The following HOXC4 variants were observed in gnomAD, a reference collection of about 807,000 sequenced individuals.
The protein encoded by HOXC4 is homeobox C4.
HOXC4 carries 15 observed loss-of-function variants against 25.5 expected under a neutral mutation model. The observed-to-expected ratio is 0.59, with a 90% CI of 0.39 to 0.91. The LOEUF (loss-of-function observed/expected upper bound fraction) is 0.91. Ranked by LOEUF, HOXC4 falls within the 40% of genes least tolerant of loss-of-function variation. HOXC4 has a pLI of 0.00. For missense variants in HOXC4, 342 were observed against 352.4 expected, an observed-to-expected ratio of 0.97 and a Z score of 0.24; for synonymous variants, 165 against 148.0, an observed-to-expected ratio of 1.11 and a Z score of -0.83.
chr12:54,033,266 T>C (rs1252131460), intron 1 of HOXC4: 1 of 1,614,116 alleles, frequency 6.2e-7, no homozygotes. Flanking sequence ...TAAGCATCAC[T>C]TTCCCACCGC....
intron 1 of HOXC4, among the ~76,000 whole-genome samples, chr12:54,037,301 T>C (rs1418461439): frequency 1.3e-5 from 2 of 152,228 alleles, no homozygotes; most frequent in Admixed American, 6.5e-5. Context: ...GCCAGCCTCC[T>C]AGAACATATT....
At chr12:54,034,179 T>C in intron 1 of HOXC4, 3 of 1,168,840 alleles carry the variant, frequency 2.6e-6, no homozygotes, top group South Asian at 2.5e-5. Context: ...TCGCCTCCTC[T>C]CCCTCCGGCC....
intron 1 of HOXC4, chr12:54,030,005 T>C (rs1940923015): frequency 6.9e-7 from 1 of 1,455,858 alleles, no homozygotes; most frequent in South Asian, 1.4e-5. Context: ...TCTCCCTCGC[T>C]CCCCACCAAC....
chr12:54,054,125 G>C lies in HOXC4; in HGVS notation c.203G>C (p.Ser68Thr), dbSNP rs770973836. ...PRPSYPERQY[S>T]CTSLQGPGNS... Reference sequence around the variant, plus strand: ...CCTAGCTACCCTGAGCGCCAGTATAGCTGCACCAGTCTCCAGGGGCCCGGC... The same window carrying C: ...CCTAGCTACCCTGAGCGCCAGTATACCTGCACCAGTCTCCAGGGGCCCGGC... The change falls in exon 1 of 2, where the codon AGC becomes ACC. Residue 68 changes from serine to threonine, a missense_variant. Transcript: ENST00000430889. The C allele has an allele frequency of 1.9e-6, 3 of 1,614,112 alleles. No individual in the cohort carries two copies. The highest frequency in any genetic ancestry group is 2.2e-5 in the South Asian group (2 of 91,072).
intron 1 of HOXC4, chr12:54,034,458 A>T (rs1216133806): frequency 6.2e-7 from 1 of 1,614,254 alleles, no homozygotes; most frequent in East Asian, 2.2e-5. Context: ...AAGTGGAAGA[A>T]AGATTCCAAA....
intron 1 of HOXC4, among the ~76,000 whole-genome samples, chr12:54,042,439 T>A (rs1057169735): frequency 1.3e-5 from 2 of 152,140 alleles, no homozygotes; most frequent in Non-Finnish European, 2.9e-5. Flanking sequence ...AGGGGGAGAT[T>A]GGTTCTATCC....
At chr12:54,051,934 G>A (rs1937855656), upstream of HOXC4, among the ~76,000 whole-genome samples, 2 of 152,164 alleles carry the variant, frequency 1.3e-5, no homozygotes, top group African/African-American at 4.8e-5. Flanking sequence ...GGAATCTCTT[G>A]CCTTCAGTCT....
intron 1 of HOXC4, chr12:54,028,926 G>C (rs1231123807): frequency 3.7e-6 from 6 of 1,601,650 alleles, no homozygotes; most frequent in Non-Finnish European, 5.1e-6. Context: ...ACAGTGGTGA[G>C]TTTTACAGCT....
At chr12:54,026,889 A>C (rs1940727421) in intron 1 of HOXC4, among the ~76,000 whole-genome samples, 1 of 152,120 alleles carries the variant, frequency 6.6e-6, no homozygotes, top group Non-Finnish European at 1.5e-5. Flanking sequence ...ACAGAAGGAA[A>C]AGATCATAAA....
intron 1 of HOXC4, among the ~76,000 whole-genome samples, chr12:54,017,892 C>T (rs1342439493): frequency 2.0e-5 from 3 of 152,324 alleles, no homozygotes; most frequent in African/African-American, 7.2e-5. Context: ...CCAGCTTCCC[C>T]TCCCTGTCTG....
At chr12:54,025,371 T>A (rs1017198194) in intron 1 of HOXC4, among the ~76,000 whole-genome samples, 1 of 151,990 alleles carries the variant, frequency 6.6e-6, no homozygotes, top group African/African-American at 2.4e-5. Context: ...TAACATGAAA[T>A]GGGAAAAAGA....
intron 1 of HOXC4, chr12:54,034,007 C>T (rs773034544): frequency 1.6e-6 from 1 of 644,600 alleles, no homozygotes; most frequent in Non-Finnish European, 2.9e-6. Context: ...GCTTATTGTT[C>T]GGTCCGAGCC....
chr12:54,030,849 G>A (rs990083794), intron 1 of HOXC4: 1 of 152,164 alleles, frequency 6.6e-6, no homozygotes, highest in African/African-American at 2.4e-5. Context: ...TAATTCGCTC[G>A]CCCGCCGGCC....
chr12:54,023,561 G>A (rs937505595), intron 1 of HOXC4, among the ~76,000 whole-genome samples: 3 of 152,172 alleles, frequency 2.0e-5, no homozygotes, highest in Non-Finnish European at 4.4e-5. Context: ...GGCCTTGGAG[G>A]TGTTTGGGGG....
chr12:54,029,909 G>A (rs753211992), intron 1 of HOXC4: 1 of 1,607,554 alleles, frequency 6.2e-7, no homozygotes, highest in Non-Finnish European at 8.5e-7. Flanking sequence ...CGACAGCCTG[G>A]GCGGAAAAGA....
intron 1 of HOXC4, among the ~76,000 whole-genome samples, chr12:54,017,716 T>A (rs1940219216): frequency 6.6e-6 from 1 of 152,188 alleles, no homozygotes; most frequent in Non-Finnish European, 1.5e-5. Context: ...AGCTCTCTGC[T>A]GCCCACTGTG....
chr12:54,033,049 C>A (rs1297345834), intron 1 of HOXC4: 11 of 1,252,380 alleles, frequency 8.8e-6, no homozygotes, highest in Middle Eastern at 2.0e-4. Context: ...GAACAAAAAA[C>A]CCCTCAACTT....
At chr12:54,022,549 G>T (rs1352515732) in intron 1 of HOXC4, 1 of 151,932 alleles carries the variant, frequency 6.6e-6, no homozygotes, top group Admixed American at 6.6e-5. Context: ...AGATTAAATG[G>T]TTCTTTCAGA....
At chr12:54,029,374 C>T (rs923232511) in intron 1 of HOXC4, among the ~76,000 whole-genome samples, 1 of 151,598 alleles carries the variant, frequency 6.6e-6, no homozygotes, top group African/African-American at 2.4e-5. Flanking sequence ...TGCTTTTAGA[C>T]TTGCAGCTTT....
Sources: gnomAD v4.1 joint callset for allele counts (sites outside exome capture counted in the v4.1 genomes callset) on GRCh38, gnomAD v4.1.1 for gene constraint, MANE v1.5 for transcripts, NCBI Gene and HGNC (gene_info 2026-07-23, HGNC 2026-07-21) for gene names.